CUL5: variants seen among roughly 807,000 people sequenced by gnomAD.
CUL5 encodes cullin 5, also known as cullin-5.
In CUL5, 26 loss-of-function variants were observed where a neutral mutation model predicts 108.8. That is an observed-to-expected ratio of 0.24 (90% CI 0.18 to 0.33). The LOEUF (loss-of-function observed/expected upper bound fraction) is 0.33, where lower values mean the gene tolerates loss of function less well. Among genes scored for constraint, CUL5 ranks in the 10% least tolerant of loss-of-function variants. The pLI is 1.00. For missense variants in CUL5, 524 were observed against 909.2 expected (o/e 0.58, Z 5.45); for synonymous variants, 334 against 298.0 (o/e 1.12, Z -1.25).
At chr11:108,083,117 C>T (rs548314849) in intron 11 of CUL5, among the ~76,000 whole-genome samples, 56 of 152,238 alleles carry the variant, frequency 3.7e-4, no homozygotes, top group African/African-American at 1.3e-3. Context: ...TTGCTCTGAC[C>T]GGAACGTCTA....
intron 7 of CUL5, among the ~76,000 whole-genome samples, chr11:108,064,543 A>G (rs1863626670): frequency 6.6e-6 from 1 of 152,148 alleles, no homozygotes; most frequent in South Asian, 2.1e-4. Flanking sequence ...CCCCATCTCT[A>G]CTAAAAAAAA....
chr11:108,072,063 C>T (rs1471868477), intron 8 of CUL5, among the ~76,000 whole-genome samples: 1 of 152,006 alleles, frequency 6.6e-6, no homozygotes, highest in Non-Finnish European at 1.5e-5. Context: ...CCTGTGGTCC[C>T]AGCTACTCAG....
intron 7 of CUL5, 28 bp downstream of exon 7, chr11:108,054,983 ATGGGATTATT>A: frequency 6.8e-7 from 1 of 1,460,902 alleles, no homozygotes; most frequent in Non-Finnish European, 9.5e-7. Context: ...TGTACATTTT[ATGGGATTATT>A]TGAAATACGG....
chr11:108,043,674 CTG>C (rs1014420465), intron 2 of CUL5, among the ~76,000 whole-genome samples: 2 of 152,130 alleles, frequency 1.3e-5, no homozygotes, highest in Non-Finnish European at 1.5e-5. Flanking sequence ...ATTTCCCCAT[CTG>C]TAAAATAAGG....
intron 7 of CUL5, among the ~76,000 whole-genome samples, chr11:108,062,726 C>T (rs1256829017): frequency 1.3e-5 from 2 of 151,960 alleles, no homozygotes; most frequent in African/African-American, 2.4e-5. Flanking sequence ...CTTTGTGTTA[C>T]AGACAATCCA....
intron 11 of CUL5, among the ~76,000 whole-genome samples, chr11:108,079,599 G>T (rs1303906142): frequency 1.3e-5 from 2 of 152,148 alleles, no homozygotes; most frequent in African/African-American, 2.4e-5. Flanking sequence ...TAATGTTTAT[G>T]TTTTTAGGCA....
chr11:108,082,735 C>T (rs1864123718), intron 11 of CUL5, among the ~76,000 whole-genome samples: 2 of 152,080 alleles, frequency 1.3e-5, no homozygotes, highest in South Asian at 4.1e-4. Flanking sequence ...GCCTTCGCCT[C>T]CTGGGCTCAA....
intron 17 of CUL5, 42 bp from the exon 18 acceptor site, chr11:108,098,364 G>T: frequency 6.5e-7 from 1 of 1,542,036 alleles, no homozygotes; most frequent in South Asian, 1.2e-5. Flanking sequence ...GATTTTTAAA[G>T]TGTTTTTCAC....
Position 108,050,484 on chromosome 11 carries a change from A to G in CUL5, c.411+418A>G, listed in dbSNP as rs145144739. Among the ~76,000 whole-genome samples, 4 of 151,874 alleles carry G rather than the reference A, an allele frequency of 2.6e-5. No homozygotes were observed. The East Asian group carries it at 5.8e-4, about 22-fold the overall frequency. Reference sequence around the variant, plus strand: ...TGTGTTCAAGCAATTCTCCTGCCTCAGCCTCCTGAGTAGCTGGGACTACAG... The same window carrying G: ...TGTGTTCAAGCAATTCTCCTGCCTCGGCCTCCTGAGTAGCTGGGACTACAG... On this transcript the variant is annotated intron_variant, in intron 4 of 18. Coordinates refer to ENST00000393094, the MANE Select transcript of CUL5 (RefSeq NM_003478.6).
intron 2 of CUL5, among the ~76,000 whole-genome samples, chr11:108,045,007 C>T (rs1247117722): frequency 6.6e-6 from 1 of 152,090 alleles, no homozygotes; most frequent in Non-Finnish European, 1.5e-5. Context: ...AAGTGATCTG[C>T]CCACCTCAGC....
rs1863209904 is a variant in CUL5, at chr11:108,051,118, G to T, written c.411+1052G>T. Among the ~76,000 whole-genome samples, 4 of 152,050 alleles carry T rather than the reference G, an allele frequency of 2.6e-5. No individual in the cohort carries two copies. The South Asian group carries it at 8.3e-4, about 32-fold the overall frequency. On this transcript the variant is annotated intron_variant, in intron 4 of 18. Transcript: ENST00000393094. Reference sequence around the variant, plus strand: ...TTGCCCCATCCCAGCCTTAAAATTTGATCTGATGTTGACAGGGATACTGTA... The same window carrying T: ...TTGCCCCATCCCAGCCTTAAAATTTTATCTGATGTTGACAGGGATACTGTA...
chr11:108,009,107 G>C lies in CUL5; in HGVS notation c.-242G>C. On this transcript the variant is annotated 5_prime_UTR_variant, in exon 1 of 19. Coordinates refer to ENST00000393094, the MANE Select transcript of CUL5 (RefSeq NM_003478.6). ...CAGCATTCGCCGTTCCGGTCTTCCTGAGCGCGTGCATGAGGTCTTTCGCGT... is the reference window on the plus strand; with the variant it reads ...CAGCATTCGCCGTTCCGGTCTTCCTCAGCGCGTGCATGAGGTCTTTCGCGT... 8.8e-6 allele frequency: 5 copies of C among 568,916 alleles called. No individual in the cohort carries two copies. In the East Asian group the frequency reaches 1.5e-4, roughly 17 times the overall value. The allele number at this position is 568,916 out of a possible 1,614,324, so 35.2% of individuals were successfully genotyped here.
At chr11:108,017,588 G>C (rs562382185) in intron 1 of CUL5, among the ~76,000 whole-genome samples, 22 of 152,224 alleles carry the variant, frequency 1.4e-4, no homozygotes, top group African/African-American at 4.8e-4. Context: ...GGAGGCTCAC[G>C]CCTGTAATTG....
intron 2 of CUL5, among the ~76,000 whole-genome samples, chr11:108,038,560 A>G (rs2135100103): frequency 6.6e-6 from 1 of 152,084 alleles, no homozygotes; most frequent in East Asian, 1.9e-4. Flanking sequence ...CAGTAATTCC[A>G]GCTACTTGGG....
intron 1 of CUL5, among the ~76,000 whole-genome samples, chr11:108,026,938 G>T (rs1862464790): frequency 2.1e-5 from 3 of 142,774 alleles, no homozygotes; most frequent in African/African-American, 5.2e-5. Flanking sequence ...GCAGTGAGCA[G>T]AGATCACGCC....
chr11:108,104,724 T>C lies in CUL5; in HGVS notation c.*340T>C, dbSNP rs1864750390. Reference sequence around the variant, plus strand: ...TGGGGTTCTTGTTGCTTTTTTCTCTTTTTTCCTCTCTTAAAAAATGTACTT... The same window carrying C: ...TGGGGTTCTTGTTGCTTTTTTCTCTCTTTTCCTCTCTTAAAAAATGTACTT... On this transcript the variant is annotated 3_prime_UTR_variant, in exon 19 of 19. Coordinates refer to ENST00000393094, the MANE Select transcript of CUL5 (RefSeq NM_003478.6). 6.0e-6 allele frequency: 1 copy of C among 166,826 alleles called. No individual in the cohort carries two copies. The highest frequency in any genetic ancestry group is 1.3e-5 in the Non-Finnish European group (1 of 77,822). 10.3% of individuals were successfully genotyped at this position (166,826 alleles called of 1,614,324 possible). A position where few individuals can be genotyped will look rare whatever the true frequency, so the allele number is the denominator to read the frequency against.
In CUL5 at chr11:108,008,954, T is replaced by TA. The variant is rs2135018747; in HGVS notation, c.-393dup. The TA allele has an allele frequency of 4.8e-6, 1 of 206,438 alleles. No individual in the cohort carries two copies. Among genetic ancestry groups the TA allele is most frequent in the South Asian group, 1.1e-4 (1 of 9,422 alleles). The allele number at this position is 206,438 out of a possible 1,614,324, so 12.8% of individuals were successfully genotyped here. A position where few individuals can be genotyped will look rare whatever the true frequency, so the allele number is the denominator to read the frequency against. The stretch of plus-strand genomic sequence containing the variant: ...GCCGCGGAACCTGAGCTGCGGGGCC[T>TA]AAGCCGAGCTAAATTCGTTGCAGGT... On this transcript the variant is annotated 5_prime_UTR_variant, in exon 1 of 19. Transcript: ENST00000393094.
chr11:108,104,087 T>A (rs1864732999), intron 18 of CUL5, 103 bp from the exon 19 acceptor site: 3 of 652,858 alleles, frequency 4.6e-6, no homozygotes, highest in Non-Finnish European at 7.8e-6. Context: ...TTTGGGTAGA[T>A]GTTGGATAGA....
intron 2 of CUL5, among the ~76,000 whole-genome samples, chr11:108,044,918 C>A (rs982766307): frequency 2.0e-5 from 3 of 151,866 alleles, no homozygotes; most frequent in Non-Finnish European, 4.4e-5. Context: ...CACACCACCA[C>A]GCCTGGCTAA....
Sources: allele counts gnomAD v4.1 joint callset (sites outside exome capture counted in the v4.1 genomes callset), GRCh38; gene constraint gnomAD v4.1.1; transcripts MANE v1.5; gene names NCBI Gene and HGNC (gene_info 2026-07-23, HGNC 2026-07-21).